Variants in MINK1 observed in about 807,000 individuals in gnomAD.
MINK1 encodes misshapen-like kinase 1.
MINK1 carries 46 observed loss-of-function variants against 178.4 expected under a neutral mutation model. The observed-to-expected ratio is 0.26, with a 90% CI of 0.20 to 0.33. The LOEUF (loss-of-function observed/expected upper bound fraction) is 0.33, where lower values mean the gene tolerates loss of function less well. Ranked by LOEUF, MINK1 falls within the 10% of genes least tolerant of loss-of-function variation. MINK1 has a pLI of 1.00. For synonymous variants in MINK1, 797 were observed against 709.7 expected, an observed-to-expected ratio of 1.12 and a Z score of -1.96; for missense variants, 1,366 against 1,814.9, an observed-to-expected ratio of 0.75 and a Z score of 4.49.
intron 1 of MINK1, chr17:4,847,319 T>C (rs561201228): frequency 2.3e-6 from 1 of 437,246 alleles, no homozygotes; most frequent in African/African-American, 2.0e-5. Context: ...GCTCACTGCA[T>C]CCTCTGCCTC....
Position 4,833,620 on chromosome 17 carries a change from A to G in MINK1, c.37A>G (p.Ile13Val). The stretch of plus-strand genomic sequence containing the variant: ...AGCCCCCGCCCGCAGCCTGGACGAC[A>G]TCGACCTGTCCGCCCTGCGGGTGAG... The part of the protein sequence containing the change: ...DPAPARSLDD[I>V]DLSALRDPAG... Residue 13 changes from isoleucine to valine, a missense_variant, in exon 1 of 32, where the codon ATC becomes GTC. Physicochemically the swap from Ile to Val is conservative, Grantham distance 29. Coordinates refer to ENST00000355280, the MANE Select transcript of MINK1 (RefSeq NM_153827.5). The surrounding 1 kb of genome is among the most constrained non-coding windows in gnomAD (Gnocchi z 4.8). 2.0e-6 allele frequency: 3 copies of G among 1,500,986 alleles called. No homozygotes were observed. Among genetic ancestry groups the G allele is most frequent in the Admixed American group, 2.1e-5 (1 of 47,624 alleles). 93.0% of individuals were successfully genotyped at this position (1,500,986 alleles called of 1,614,324 possible).
intron 15 of MINK1, 74 bp downstream of exon 15, chr17:4,891,198 G>A (rs12602898): frequency 0.13 from 141,957 of 1,125,814 alleles, 13,871 homozygotes; most frequent in East Asian, 0.49. Flanking sequence ...ACACACACGC[G>A]CGCACACACA....
rs1968740950 is a variant in MINK1 at position 4,891,084 on chromosome 17, C to T, written c.1700C>T (p.Pro567Leu). Reference sequence around the variant, plus strand: ...CCAGGACCCCTTTCCCAGACTCCTCCTATGCAGAGGCCGGTGGAGCCCCAG... The same window carrying T: ...CCAGGACCCCTTTCCCAGACTCCTCTTATGCAGAGGCCGGTGGAGCCCCAG... ...GPPGPLSQTP[P>L]MQRPVEPQEG... is the part of the protein sequence containing the mutation. Residue 567 changes from proline to leucine, a missense_variant, in exon 15 of 32, where the codon CCT (proline) becomes CTT (leucine). Physicochemically the swap from Pro to Leu is moderately conservative, Grantham distance 98. Coordinates refer to ENST00000355280, the MANE Select transcript of MINK1 (RefSeq NM_153827.5). 1 of 1,552,096 alleles carries T rather than the reference C, an allele frequency of 6.4e-7. No individual in the cohort carries two copies. The highest frequency in any genetic ancestry group is 1.4e-5 in the African/African-American group (1 of 73,058).
intron 1 of MINK1, chr17:4,854,726 T>G (rs768053843): frequency 1.0e-5 from 5 of 486,024 alleles, no homozygotes; most frequent in African/African-American, 7.8e-5. Context: ...CAGTGCTTCA[T>G]TCCCATAAAA....
rs987802293 is a variant in MINK1, at chr17:4,833,446, C to T, written c.-138C>T. 18 of 649,290 alleles carry T rather than the reference C, an allele frequency of 2.8e-5. No individual in the cohort carries two copies. Among genetic ancestry groups the T allele is most frequent in the South Asian group, 3.9e-5 (2 of 51,032 alleles). 40.2% of individuals were successfully genotyped at this position (649,290 alleles called of 1,614,324 possible). Reference sequence around the variant, plus strand: ...GTGGGTCGGTCCTCGCGCCGGCCCTCCCCCTCCCCGGTCTCCGGGGGAGGC... The same window carrying T: ...GTGGGTCGGTCCTCGCGCCGGCCCTTCCCCTCCCCGGTCTCCGGGGGAGGC... On this transcript the variant is annotated 5_prime_UTR_variant, in exon 1 of 32. Coordinates refer to ENST00000355280, the MANE Select transcript of MINK1 (RefSeq NM_153827.5). This position sits in a 1 kb window ranked among gnomAD's most constrained non-coding sequence, Gnocchi z 4.8.
rs530980027 is a variant in MINK1, at chr17:4,855,150, G to A, written c.57+21510G>A. Among the ~76,000 whole-genome samples, 5 of 148,508 alleles carry A rather than the reference G, an allele frequency of 3.4e-5. No individual in the cohort carries two copies. The South Asian group carries it at 1.1e-3, about 32-fold the overall frequency. On this transcript the variant is annotated intron_variant, in intron 1 of 31. Coordinates refer to ENST00000355280, the MANE Select transcript of MINK1 (RefSeq NM_153827.5). ...AGAATTGCTTGAACCTAGAAGGGGA[G>A]GTTGCAGTGAGCTGAGATTGTGCCA...
intron 1 of MINK1, among the ~76,000 whole-genome samples, chr17:4,865,551 C>G (rs187773692): frequency 2.6e-5 from 4 of 151,836 alleles, no homozygotes; most frequent in Admixed American, 1.3e-4. Context: ...TGTGGAACAG[C>G]TACATAGAAT....
chr17:4,893,864 G>A, intron 21 of MINK1, 124 bp from the exon 22 acceptor site: 1 of 893,408 alleles, frequency 1.1e-6, no homozygotes, highest in Non-Finnish European at 1.7e-6. Flanking sequence ...GCTACACCGT[G>A]AGGGTGGAGC....
Position 4,895,318 on chromosome 17 carries a change from G to A in MINK1, c.3086-32G>A. On this transcript the variant is annotated intron_variant, in intron 25 of 31. Coordinates refer to ENST00000355280, the MANE Select transcript of MINK1 (RefSeq NM_153827.5). This position sits in a 1 kb window ranked among gnomAD's most constrained non-coding sequence, Gnocchi z 4.3. ...CCTGGTTAGGTGAGGGCCTGGCTGA[G>A]CCTCTGACCTGCCCAAGGGCTCCTG... 1 of 1,604,052 alleles carries A rather than the reference G, an allele frequency of 6.2e-7. No homozygotes were observed. The highest frequency in any genetic ancestry group is 8.5e-7 in the Non-Finnish European group (1 of 1,173,502).
chr17:4,888,157 A>C (rs555615441), intron 12 of MINK1, among the ~76,000 whole-genome samples: 1 of 152,130 alleles, frequency 6.6e-6, no homozygotes, highest in East Asian at 1.9e-4. Context: ...CGGAGGTTGC[A>C]GTGAGCAGAG....
intron 1 of MINK1, among the ~76,000 whole-genome samples, chr17:4,855,627 G>A (rs1210238171): frequency 4.0e-5 from 6 of 150,712 alleles, no homozygotes; most frequent in African/African-American, 1.2e-4. Flanking sequence ...AAAATTAGCC[G>A]AGTGTGGTGG....
chr17:4,840,379 G>A (rs1910026818), intron 1 of MINK1, among the ~76,000 whole-genome samples: 1 of 152,000 alleles, frequency 6.6e-6, no homozygotes, highest in Admixed American at 6.6e-5. Flanking sequence ...ATCTTCCTGT[G>A]GGAGGGGAAA....
chr17:4,845,950 T>G (rs114972360), intron 1 of MINK1, among the ~76,000 whole-genome samples: 1,614 of 152,324 alleles, frequency 0.011, 22 homozygotes, highest in African/African-American at 0.037. Context: ...CTGAGTTGGA[T>G]ATTTTAGAAC....
At chr17:4,861,346 T>C (rs964730312) in intron 1 of MINK1, among the ~76,000 whole-genome samples, 1 of 152,176 alleles carries the variant, frequency 6.6e-6, no homozygotes, top group Non-Finnish European at 1.5e-5. Context: ...ATATGTACAA[T>C]TATACATCGT....
chr17:4,855,500 A>AAAG (rs71147094), intron 1 of MINK1, among the ~76,000 whole-genome samples: 1 of 143,358 alleles, frequency 7.0e-6, no homozygotes, highest in African/African-American at 2.6e-5. Flanking sequence ...AAAAAAAAAA[A>AAAG]GGCCGGGCAC....
rs752419562 is a variant in MINK1, at chr17:4,833,602, G to T, written c.19G>T (p.Ala7Ser). ...GGAGGCCATGGGCGACCCAGCCCCC[G>T]CCCGCAGCCTGGACGACATCGACCT... is the stretch of plus-strand genomic sequence containing the variant. MGDPAPARSLDDIDLSA... is the reference protein window; with the variant it reads MGDPAPSRSLDDIDLSA... Residue 7 changes from alanine to serine, a missense_variant, in exon 1 of 32, where the codon GCC becomes TCC. Transcript: ENST00000355280. The surrounding 1 kb of genome is among the most constrained non-coding windows in gnomAD (Gnocchi z 4.8). 6.7e-7 allele frequency: 1 copy of T among 1,499,966 alleles called. No individual in the cohort carries two copies. The highest frequency in any genetic ancestry group is 1.2e-5 in the South Asian group (1 of 80,450). The allele number at this position is 1,499,966 out of a possible 1,614,324, so 92.9% of individuals were successfully genotyped here.
intron 12 of MINK1, 60 bp from the exon 13 acceptor site, chr17:4,889,587 A>T: frequency 7.2e-7 from 1 of 1,382,736 alleles, no homozygotes; most frequent in Non-Finnish European, 1.0e-6. Flanking sequence ...CTGTCCATGG[A>T]GGGGCAGTGC....
intron 21 of MINK1, 156 bp from the exon 22 acceptor site, chr17:4,893,832 A>C (rs1159531877): frequency 1.2e-6 from 1 of 852,976 alleles, no homozygotes; most frequent in African/African-American, 1.7e-5. Context: ...CATGCAGGGA[A>C]GCACCTCACG....
At position 4,893,414 on chromosome 17, in the gene MINK1, C is replaced by A. The variant is rs2151060848; in HGVS notation, c.2401-20C>A. ...CCAGGCCCAGCTTCTCCCTGCCCCT[C>A]ACGTGGCTCCTCCCTGCAGGACTTT... On this transcript the variant is annotated intron_variant, in intron 20 of 31. Coordinates refer to ENST00000355280, the MANE Select transcript of MINK1 (RefSeq NM_153827.5). The A allele has an allele frequency of 6.3e-7, 1 of 1,599,528 alleles. No individual in the cohort carries two copies. The highest frequency in any genetic ancestry group is 8.6e-7 in the Non-Finnish European group (1 of 1,167,970).
Sources: gnomAD v4.1 joint callset for allele counts (sites outside exome capture counted in the v4.1 genomes callset) on GRCh38, gnomAD v4.1.1 for gene constraint, Gnocchi (gnomAD v3.1) non-coding constraint, MANE v1.5 for transcripts, NCBI Gene and HGNC (gene_info 2026-07-23, HGNC 2026-07-21) for gene names.